The following LGR5 variants were observed in gnomAD, a reference collection of about 807,000 sequenced individuals.
LGR5 encodes the protein leucine rich repeat containing G protein-coupled receptor 5, also known as leucine-rich repeat-containing G protein-coupled receptor 5.
Under a neutral mutation model 76.7 loss-of-function variants are expected in LGR5, and 54 were observed. The observed-to-expected ratio is 0.70, with a 90% CI of 0.57 to 0.88. The LOEUF is 0.88. LGR5 is among the 40% of genes least tolerant of loss of function. The pLI, the probability that LGR5 is intolerant of heterozygous loss-of-function variation, is 0.00. For synonymous variants in LGR5, 406 were observed against 421.9 expected, an observed-to-expected ratio of 0.96 and a Z score of 0.46; for missense variants, 1,078 against 1,073.3, an observed-to-expected ratio of 1.00 and a Z score of -0.06.
rs144675618 is a variant in LGR5, at chr12:71,532,274, A to G, written c.357-2841A>G. ...AACAAAAATGTAAAATAACAATAAA[A>G]TAACACAGAAATCCAAACTTTTAAT... On this transcript the variant is annotated intron_variant, in intron 3 of 17. Coordinates refer to ENST00000266674, the MANE Select transcript of LGR5 (RefSeq NM_003667.4). 4.5e-3 allele frequency among the ~76,000 whole-genome samples: 689 copies of G among 152,340 alleles called. 6 individuals carry two copies. Among genetic ancestry groups the G allele is most frequent in the African/African-American group, 0.016 (650 of 41,584 alleles).
At chr12:71,549,395 T>C (rs553212803) in intron 4 of LGR5, among the ~76,000 whole-genome samples, 24 of 152,294 alleles carry the variant, frequency 1.6e-4, no homozygotes, top group Non-Finnish European at 2.2e-4. Context: ...GTGACTACAG[T>C]TAATAATAAT....
intron 12 of LGR5, 139 bp from the exon 13 acceptor site, chr12:71,572,711 A>C (rs1369720473): frequency 4.9e-6 from 3 of 616,076 alleles, no homozygotes; most frequent in Admixed American, 2.9e-5. Context: ...TTAAACAAAC[A>C]AAAATCAGTC....
chr12:71,439,371 A>T (rs1417141507), upstream of LGR5, among the ~76,000 whole-genome samples: 2 of 152,036 alleles, frequency 1.3e-5, no homozygotes, highest in Admixed American at 6.6e-5. Context: ...GTTTTGTTTT[A>T]TTCTGTTTAA....
At chr12:71,580,561 C>T (rs1194620617) in intron 16 of LGR5, 138 bp downstream of exon 16, 3 of 803,130 alleles carry the variant, frequency 3.7e-6, no homozygotes, top group African/African-American at 3.5e-5. Flanking sequence ...TTTGGGAGGC[C>T]GAGGCAGATG....
At chr12:71,576,088 G>A (rs1377450639) in intron 13 of LGR5, among the ~76,000 whole-genome samples, 1 of 152,092 alleles carries the variant, frequency 6.6e-6, no homozygotes, top group Non-Finnish European at 1.5e-5. Flanking sequence ...GGGCCTATCA[G>A]GGTGGCAGGG....
intron 1 of LGR5, among the ~76,000 whole-genome samples, chr12:71,471,839 A>G (rs1052191215): frequency 1.1e-4 from 16 of 152,170 alleles, no homozygotes; most frequent in African/African-American, 3.6e-4. Flanking sequence ...CTGTGACATA[A>G]TAGCACTCAA....
chr12:71,549,354 A>G (rs570130582), intron 4 of LGR5, among the ~76,000 whole-genome samples: 33 of 152,292 alleles, frequency 2.2e-4, no homozygotes, highest in African/African-American at 7.9e-4. Flanking sequence ...AGACAGGATG[A>G]ATAACTTCTG....
chr12:71,572,741 T>C (rs565526691), intron 12 of LGR5, 109 bp from the exon 13 acceptor site: 4 of 738,146 alleles, frequency 5.4e-6, no homozygotes, highest in Admixed American at 4.4e-5. Context: ...ATACACTTCA[T>C]GTGTTCCTTT....
chr12:71,571,783 T>G (rs1029976723), intron 12 of LGR5, among the ~76,000 whole-genome samples: 1 of 152,218 alleles, frequency 6.6e-6, no homozygotes, highest in African/African-American at 2.4e-5. Flanking sequence ...CTGTACCATA[T>G]TAGTAAAACA....
At chr12:71,552,506 A>T (rs1455342863) in intron 4 of LGR5, among the ~76,000 whole-genome samples, 1 of 151,594 alleles carries the variant, frequency 6.6e-6, no homozygotes, top group Non-Finnish European at 1.5e-5. Context: ...TGGAGGTTGC[A>T]GTGAGCCGAG....
intron 17 of LGR5, chr12:71,583,384 T>G: frequency 2.2e-6 from 1 of 455,182 alleles, no homozygotes. Context: ...GAGACTTCAA[T>G]TAAGTGATCG....
At chr12:71,554,490 T>C (rs1024247108) in intron 5 of LGR5, among the ~76,000 whole-genome samples, 2 of 152,238 alleles carry the variant, frequency 1.3e-5, no homozygotes, top group African/African-American at 4.8e-5. Context: ...TAAACCATAA[T>C]TTCTAATCTG....
chr12:71,556,308 C>T (rs1424754799), intron 5 of LGR5, among the ~76,000 whole-genome samples: 2 of 151,556 alleles, frequency 1.3e-5, no homozygotes, highest in Non-Finnish European at 2.9e-5. Flanking sequence ...GCACATGCAC[C>T]CCTGAACTTA....
chr12:71,512,138 C>T (rs1027126122), intron 2 of LGR5, among the ~76,000 whole-genome samples: 5 of 152,230 alleles, frequency 3.3e-5, no homozygotes, highest in East Asian at 1.9e-4. Flanking sequence ...ATTACAGGCA[C>T]CCGCCATCAT....
At chr12:71,483,788 C>T (rs369753556) in intron 1 of LGR5, among the ~76,000 whole-genome samples, 7 of 151,506 alleles carry the variant, frequency 4.6e-5, no homozygotes, top group African/African-American at 1.2e-4. Context: ...TGTGTGTGTA[C>T]GTGTATGTGA....
intron 1 of LGR5, among the ~76,000 whole-genome samples, chr12:71,452,413 C>T (rs1383300979): frequency 6.6e-6 from 1 of 152,204 alleles, no homozygotes; most frequent in African/African-American, 2.4e-5. Context: ...CTCTTCTGTT[C>T]CCCTAAACTC....
At chr12:71,581,053 T>C (rs17109916) in intron 16 of LGR5, among the ~76,000 whole-genome samples, 2,409 of 152,296 alleles carry the variant, frequency 0.016, 70 homozygotes, top group African/African-American at 0.055. Flanking sequence ...ATCAGCTTTT[T>C]AAAGGGTCTG....
At chr12:71,447,496 C>G (rs1872053449) in intron 1 of LGR5, among the ~76,000 whole-genome samples, 1 of 152,120 alleles carries the variant, frequency 6.6e-6, no homozygotes, top group African/African-American at 2.4e-5. Context: ...CTCTCATACT[C>G]CAGCTTTTTA....
intron 2 of LGR5, among the ~76,000 whole-genome samples, chr12:71,519,032 A>C (rs1875592255): frequency 6.6e-6 from 1 of 152,176 alleles, no homozygotes; most frequent in African/African-American, 2.4e-5. Flanking sequence ...CATTTCTAAA[A>C]CACAGATCTG....
Sources: gnomAD v4.1 joint callset for allele counts (sites outside exome capture counted in the v4.1 genomes callset) on GRCh38, gnomAD v4.1.1 for gene constraint, MANE v1.5 for transcripts, NCBI Gene and HGNC (gene_info 2026-07-23, HGNC 2026-07-21) for gene names.